NSL1: variants seen among roughly 807,000 people sequenced by gnomAD.
The protein encoded by NSL1 is kinetochore-associated protein NSL1 homolog.
Under a neutral mutation model 25.4 loss-of-function variants are expected in NSL1, and 11 were observed. The observed-to-expected ratio is 0.43, with a 90% CI of 0.27 to 0.72. The LOEUF is 0.72. Among genes scored for constraint, NSL1 ranks in the 30% least tolerant of loss-of-function variants. NSL1 has a pLI of 0.19. For missense variants in NSL1, 330 were observed against 342.7 expected (o/e 0.96, Z 0.29); for synonymous variants, 118 against 120.6 (o/e 0.98, Z 0.14).
intron 4 of NSL1, among the ~76,000 whole-genome samples, chr1:212,777,225 TA>T (rs1248961585): frequency 6.6e-6 from 1 of 151,842 alleles, no homozygotes; most frequent in Non-Finnish European, 1.5e-5. Context: ...AAAAATTTTT[TA>T]ACTAGCCAGG....
intron 4 of NSL1, among the ~76,000 whole-genome samples, chr1:212,754,787 C>T (rs1240442765): frequency 1.9e-5 from 1 of 52,640 alleles, no homozygotes; most frequent in African/African-American, 7.1e-5. Context: ...AAAAAAAAAC[C>T]AACTCAAAAG....
At chr1:212,779,700 T>C (rs1377728007) in intron 4 of NSL1, among the ~76,000 whole-genome samples, 1 of 87,410 alleles carries the variant, frequency 1.1e-5, no homozygotes, top group African/African-American at 4.3e-5. Context: ...GGAGCCCCAC[T>C]GCCCGGCCAG....
intron 3 of NSL1, among the ~76,000 whole-genome samples, chr1:212,783,710 A>G (rs1448829923): frequency 6.6e-6 from 1 of 152,122 alleles, no homozygotes; most frequent in Admixed American, 6.5e-5. Context: ...TGGATTTCCT[A>G]TTTTTTATTT....
intron 4 of NSL1, among the ~76,000 whole-genome samples, chr1:212,757,690 C>T (rs768264924): frequency 6.6e-6 from 1 of 152,214 alleles, no homozygotes; most frequent in African/African-American, 2.4e-5. Context: ...TCACTCATTA[C>T]CACAAGGAGG....
intron 4 of NSL1, among the ~76,000 whole-genome samples, chr1:212,749,880 G>T (rs1040059577): frequency 2.0e-5 from 3 of 150,674 alleles, no homozygotes; most frequent in Non-Finnish European, 4.4e-5. Context: ...TTTAACAAAT[G>T]AATGTCTAGT....
chr1:212,784,578 AT>A, intron 2 of NSL1, 85 bp from the exon 3 acceptor site: 2 of 778,858 alleles, frequency 2.6e-6, no homozygotes, highest in South Asian at 3.2e-5. Context: ...TATAAACTAA[AT>A]TTAGAAAACA....
intron 4 of NSL1, among the ~76,000 whole-genome samples, chr1:212,741,291 C>T (rs1465846620): frequency 6.6e-6 from 1 of 152,174 alleles, no homozygotes; most frequent in Non-Finnish European, 1.5e-5. Context: ...TTCAAGCTTG[C>T]ACACCTGTGT....
At chr1:212,758,554 C>T (rs1261533811) in intron 4 of NSL1, among the ~76,000 whole-genome samples, 1 of 152,120 alleles carries the variant, frequency 6.6e-6, no homozygotes, top group Non-Finnish European at 1.5e-5. Context: ...ATTCAATTTA[C>T]AAGGGCATCA....
intron 4 of NSL1, among the ~76,000 whole-genome samples, chr1:212,770,199 T>G (rs1203991093): frequency 1.3e-5 from 2 of 152,002 alleles, no homozygotes; most frequent in African/African-American, 2.4e-5. Context: ...AAAGCAAATA[T>G]TATCAATCTA....
chr1:212,789,128 T>G (rs1340481459), intron 1 of NSL1, among the ~76,000 whole-genome samples: 1 of 152,228 alleles, frequency 6.6e-6, no homozygotes, highest in East Asian at 1.9e-4. Context: ...ATAAACCAAA[T>G]TACTGATAAT....
At chr1:212,752,472 T>C (rs1045839521) in intron 4 of NSL1, among the ~76,000 whole-genome samples, 12 of 152,144 alleles carry the variant, frequency 7.9e-5, no homozygotes, top group African/African-American at 2.7e-4. Context: ...AAGTTTACCA[T>C]ACAGAAACTT....
rs545884943 is a variant in NSL1, at chr1:212,739,718, C to T, written c.500-117G>A. The T allele has an allele frequency of 1.3e-4, 106 of 831,036 alleles. No homozygotes were observed. In the South Asian group the frequency reaches 1.7e-3, roughly 13 times the overall value. The allele number at this position is 831,036 out of a possible 1,614,324, so 51.5% of individuals were successfully genotyped here. On this transcript the variant is annotated intron_variant, in intron 4 of 5. Transcript: ENST00000366977. ...CTATCTGGACAAAAATCTGCTAGGA[C>T]GATTCACCTCAGCTTAATCTTTCTC...
In NSL1 at chr1:212,735,241, A is replaced by G; in HGVS notation, c.*3167T>C. ...CCAATATCATTGAACTAATAATGGT[A>G]GAACTGAAATCTGAACTCAGATGAT... On this transcript the variant is annotated 3_prime_UTR_variant, in exon 6 of 6. Transcript: ENST00000366977. 1.2e-6 allele frequency: 1 copy of G among 867,586 alleles called. No individual in the cohort carries two copies. The highest frequency in any genetic ancestry group is 6.0e-4 in the Middle Eastern group (1 of 1,680). 53.7% of individuals were successfully genotyped at this position (867,586 alleles called of 1,614,324 possible).
At chr1:212,776,753 A>C (rs912606524) in intron 4 of NSL1, among the ~76,000 whole-genome samples, 1 of 151,836 alleles carries the variant, frequency 6.6e-6, no homozygotes. Context: ...AAAACCAACA[A>C]CAACAAAAAC....
At chr1:212,785,407 T>C (rs550778548) in intron 2 of NSL1, among the ~76,000 whole-genome samples, 6 of 152,208 alleles carry the variant, frequency 3.9e-5, no homozygotes, top group East Asian at 1.9e-4. Flanking sequence ...GTGTTACATA[T>C]GTATACATGT....
intron 4 of NSL1, among the ~76,000 whole-genome samples, chr1:212,748,008 C>T (rs1658888026): frequency 6.6e-6 from 1 of 152,180 alleles, no homozygotes; most frequent in East Asian, 1.9e-4. Flanking sequence ...CCAAGTGATC[C>T]TTCCACCTTG....
chr1:212,771,611 CAAAAAAAAAAA>C (rs57899487), intron 4 of NSL1, among the ~76,000 whole-genome samples: 1 of 63,906 alleles, frequency 1.6e-5, no homozygotes, highest in South Asian at 6.4e-4. Context: ...AAGACTCCAC[CAAAAAAAAAAA>C]AAAAAAAAAA....
chr1:212,783,154 C>T (rs1481996229), intron 3 of NSL1, among the ~76,000 whole-genome samples: 2 of 152,058 alleles, frequency 1.3e-5, no homozygotes, highest in Non-Finnish European at 2.9e-5. Context: ...AGACGCAGGG[C>T]AGGGCAGGGC....
intron 4 of NSL1, among the ~76,000 whole-genome samples, chr1:212,776,720 AAAC>A (rs563943797): frequency 0.081 from 9,959 of 122,722 alleles, 387 homozygotes; most frequent in Non-Finnish European, 0.12. Flanking sequence ...AAACAAAACA[AAAC>A]AACAACAACA....
Sources: allele counts gnomAD v4.1 joint callset (sites outside exome capture counted in the v4.1 genomes callset), GRCh38; gene constraint gnomAD v4.1.1; transcripts MANE v1.5; gene names NCBI Gene and HGNC (gene_info 2026-07-23, HGNC 2026-07-21).